The following TAPBP variants were observed in gnomAD, a reference collection of about 807,000 sequenced individuals.
TAPBP encodes the protein tapasin.
In TAPBP, 38 loss-of-function variants were observed where a neutral mutation model predicts 45.7. That is an observed-to-expected ratio of 0.83 (90% CI 0.64 to 1.09). The LOEUF is 1.09. TAPBP is among the 50% of genes least tolerant of loss of function. The pLI, the probability that TAPBP is intolerant of heterozygous loss-of-function variation, is 0.00. For missense variants in TAPBP, 513 were observed against 587.3 expected (o/e 0.87, Z 1.31); for synonymous variants, 226 against 254.8 (o/e 0.89, Z 1.08).
intron 7 of TAPBP, 123 bp downstream of exon 7, chr6:33,303,832 G>A: frequency 1.9e-6 from 3 of 1,598,696 alleles, no homozygotes; most frequent in Non-Finnish European, 2.6e-6. Context: ...TTTTAACCCA[G>A]ATCAGTGTGA....
intron 3 of TAPBP, among the ~76,000 whole-genome samples, chr6:33,306,978 CAAAAAA>C (rs553964427): frequency 2.8e-4 from 35 of 126,342 alleles, no homozygotes; most frequent in Admixed American, 2.3e-3. Context: ...AACCCCGTTT[CAAAAAA>C]AAAAAAAAAA....
Position 33,313,443 on chromosome 6 carries a change from C to A in TAPBP, c.243G>T (p.Arg81=). Residue 81 remains arginine (R), a synonymous_variant, in exon 3 of 8, where the codon CGG becomes CGT. Transcript: ENST00000434618. The surrounding 1 kb of genome is among the most constrained non-coding windows in gnomAD (Gnocchi z 7.2). ...GTGGTGCGGGGGCGCCCCGGGGATA[C>A]CGCCTGAAGGCAGCCTGGAGGGCGC... ...PAGALQAAFR[R]YPRGAPAPHC... 1 of 1,593,980 alleles carries A rather than the reference C, an allele frequency of 6.3e-7. No individual in the cohort carries two copies. The highest frequency in any genetic ancestry group is 8.6e-7 in the Non-Finnish European group (1 of 1,167,462).
chr6:33,303,983 TAGAC>T lies in TAPBP; in HGVS notation c.1303_1306del (p.Val435ThrfsTer38). ...CTTTGAATCCTTGCAGGTGGACAGG[TAGAC>T]AGCTGTGGGGAAAGATTGAGAAGGG... is the stretch of plus-strand genomic sequence containing the variant. On this transcript the variant is annotated frameshift_variant and splice_region_variant, in exon 7 of 8. Coordinates refer to ENST00000434618, the MANE Select transcript of TAPBP (RefSeq NM_003190.5). LOFTEE classifies it high-confidence loss of function. The T allele has an allele frequency of 6.2e-7, 1 of 1,613,564 alleles. No individual in the cohort carries two copies. Among genetic ancestry groups the T allele is most frequent in the South Asian group, 1.1e-5 (1 of 91,044 alleles).
intron 3 of TAPBP, among the ~76,000 whole-genome samples, chr6:33,308,677 G>A (rs536188804): frequency 6.6e-6 from 1 of 152,146 alleles, no homozygotes; most frequent in East Asian, 1.9e-4. Flanking sequence ...AGGACGGCTT[G>A]GAATACAGCC....
chr6:33,313,066 A>T lies in TAPBP; in HGVS notation c.469+151T>A. On this transcript the variant is annotated intron_variant, in intron 3 of 7. Transcript: ENST00000434618. This position sits in a 1 kb window ranked among gnomAD's most constrained non-coding sequence, Gnocchi z 7.2. The stretch of plus-strand genomic sequence containing the variant: ...GGGCTAGAAGGAGCGGTAGAGATTG[A>T]TTCATTCTAGCCAAACCACCTCTCT... 3 of 766,270 alleles carry T rather than the reference A, an allele frequency of 3.9e-6. No homozygotes were observed. Among genetic ancestry groups the T allele is most frequent in the Non-Finnish European group, 6.0e-6 (3 of 499,060 alleles). The allele number at this position is 766,270 out of a possible 1,614,324, so 47.5% of individuals were successfully genotyped here. A position where few individuals can be genotyped will look rare whatever the true frequency, so the allele number is the denominator to read the frequency against.
rs376347655 is a variant in TAPBP at position 33,305,383 on chromosome 6, T to C, written c.474A>G (p.Val158=). 11 of 1,515,528 alleles carry C rather than the reference T, an allele frequency of 7.3e-6. No individual in the cohort carries two copies. The highest frequency in any genetic ancestry group is 7.9e-6 in the Non-Finnish European group (9 of 1,133,842). The allele number at this position is 1,515,528 out of a possible 1,614,324, so 93.9% of individuals were successfully genotyped here. Residue 158 remains valine, a synonymous_variant, in exon 4 of 8, where the codon GTA becomes GTG. Transcript: ENST00000434618. This position sits in a 1 kb window ranked among gnomAD's most constrained non-coding sequence, Gnocchi z 4.4. ...EPVLITMATV[V]LTVLTHTPAP... ...CAGGGGTGTGGGTGAGGACAGTCAG[T>C]ACCACTGAGGAAGACAGGGAGATGA...
In TAPBP at chr6:33,303,889, G is replaced by C. The variant is rs1387021620; in HGVS notation, c.1335+66C>G. The C allele has an allele frequency of 1.9e-6, 3 of 1,613,832 alleles. No homozygotes were observed. The African/African-American group carries it at 4.0e-5, about 22-fold the overall frequency. ...TACCACACCAGCAGCCTCCCTCCAT[G>C]GGTTTTGAGATAGGATGAGGAGATA... On this transcript the variant is annotated intron_variant, in intron 7 of 7. Coordinates refer to ENST00000434618, the MANE Select transcript of TAPBP (RefSeq NM_003190.5).
At chr6:33,309,758 C>A (rs553002166) in intron 3 of TAPBP, among the ~76,000 whole-genome samples, 1 of 120,656 alleles carries the variant, frequency 8.3e-6, no homozygotes, top group East Asian at 2.5e-4. Flanking sequence ...CAGTTTCACG[C>A]TTGTTGCCCA....
chr6:33,309,815 C>T (rs1479272094), intron 3 of TAPBP, among the ~76,000 whole-genome samples: 4 of 150,038 alleles, frequency 2.7e-5, no homozygotes, highest in Non-Finnish European at 5.9e-5. Flanking sequence ...ACCTCCGCCT[C>T]CCAGGTTCAA....
intron 3 of TAPBP, among the ~76,000 whole-genome samples, chr6:33,306,191 G>C (rs929746947): frequency 2.6e-5 from 4 of 152,144 alleles, no homozygotes; most frequent in Admixed American, 6.5e-5. Context: ...GTCTACACGT[G>C]TTTGCTATAG....
chr6:33,309,583 G>C (rs1350485480), intron 3 of TAPBP, among the ~76,000 whole-genome samples: 2 of 132,678 alleles, frequency 1.5e-5, no homozygotes, highest in Admixed American at 8.0e-5. Context: ...AGACCTAAAG[G>C]TTTTACAGTT....
intron 7 of TAPBP, among the ~76,000 whole-genome samples, chr6:33,302,569 C>T (rs774195346): frequency 6.6e-6 from 1 of 151,896 alleles, no homozygotes; most frequent in Non-Finnish European, 1.5e-5. Context: ...TCAGGTGATC[C>T]GCCCTCCTCA....
At chr6:33,310,204 A>G (rs1769252202) in intron 3 of TAPBP, among the ~76,000 whole-genome samples, 1 of 151,760 alleles carries the variant, frequency 6.6e-6, no homozygotes, top group Non-Finnish European at 1.5e-5. Flanking sequence ...TATACACACA[A>G]AGTATATTAA....
intron 3 of TAPBP, among the ~76,000 whole-genome samples, chr6:33,311,242 G>A (rs950015973): frequency 6.6e-6 from 1 of 152,164 alleles, no homozygotes; most frequent in Non-Finnish European, 1.5e-5. Flanking sequence ...CTTGAACATG[G>A]GAGACGGAGG....
At position 33,304,138 on chromosome 6, in the gene TAPBP, C is replaced by T. The variant is rs1367507591; in HGVS notation, c.1290G>A (p.Leu430=). 4 of 1,613,250 alleles carry T rather than the reference C, an allele frequency of 2.5e-6. No homozygotes were observed. In the Admixed American group the frequency reaches 6.7e-5, roughly 27 times the overall value. ...AFLLLGLFKA[L]GWAAVYLSTC... ...AGGGCTGACACTTACCAGCCCAGCCCAGTGCCTTGAAGAGCCCAAGCAGAA... is the reference window on the plus strand; with the variant it reads ...AGGGCTGACACTTACCAGCCCAGCCTAGTGCCTTGAAGAGCCCAAGCAGAA... The change falls in exon 6 of 8, where the codon CTG becomes CTA. Residue 430 remains leucine, a synonymous_variant. Transcript: ENST00000434618.
Position 33,313,090 on chromosome 6 carries a change from C to T in TAPBP, c.469+127G>A. 1 of 1,149,254 alleles carries T rather than the reference C, an allele frequency of 8.7e-7. No homozygotes were observed. 71.2% of individuals were successfully genotyped at this position (1,149,254 alleles called of 1,614,324 possible). A position where few individuals can be genotyped will look rare whatever the true frequency, so the allele number is the denominator to read the frequency against. On this transcript the variant is annotated intron_variant, in intron 3 of 7. Coordinates refer to ENST00000434618, the MANE Select transcript of TAPBP (RefSeq NM_003190.5). This position sits in a 1 kb window ranked among gnomAD's most constrained non-coding sequence, Gnocchi z 7.2. ...GATTCATTCTAGCCAAACCACCTCTCTTAACAAAAAAAGGAAACTGAACCC... is the reference window on the plus strand; with the variant it reads ...GATTCATTCTAGCCAAACCACCTCTTTTAACAAAAAAAGGAAACTGAACCC...
rs1658183109 is a variant in TAPBP at position 33,305,523 on chromosome 6, C to T, written c.470-136G>A. The T allele has an allele frequency of 3.0e-6, 3 of 984,806 alleles. No homozygotes were observed. The highest frequency in any genetic ancestry group is 5.7e-5 in the East Asian group (2 of 34,786). The allele number at this position is 984,806 out of a possible 1,614,324, so 61.0% of individuals were successfully genotyped here. A position where few individuals can be genotyped will look rare whatever the true frequency, so the allele number is the denominator to read the frequency against. ...CCCTCAGAGGACACCTTTTCTGATA[C>T]TCACCATTTCCTAGCCCTCCCTGCA... On this transcript the variant is annotated intron_variant, in intron 3 of 7. Coordinates refer to ENST00000434618, the MANE Select transcript of TAPBP (RefSeq NM_003190.5). This position sits in a 1 kb window ranked among gnomAD's most constrained non-coding sequence, Gnocchi z 4.4.
Position 33,313,397 on chromosome 6 carries a change from C to A in TAPBP, c.289G>T (p.Val97Leu). 6.8e-6 allele frequency: 11 copies of A among 1,610,784 alleles called. No homozygotes were observed. Among genetic ancestry groups the A allele is most frequent in the Non-Finnish European group, 9.3e-6 (11 of 1,178,488 alleles). ...PAPHCEMSRF[V>L]PLPASAKWAS... ...CATTTCGCAGAGGCGGGGAGAGGCA[C>A]GAAGCGGCTCATCTCGCAGTGTGGT... Residue 97 changes from valine (V) to leucine (L), a missense_variant, in exon 3 of 8, where the codon GTG becomes TTG. Val to Leu is a conservative substitution (Grantham distance 32). Coordinates refer to ENST00000434618, the MANE Select transcript of TAPBP (RefSeq NM_003190.5). The surrounding 1 kb of genome is among the most constrained non-coding windows in gnomAD (Gnocchi z 7.2).
At position 33,313,798 on chromosome 6, in the gene TAPBP, C is replaced by A. The variant is rs1769572800; in HGVS notation, c.104G>T (p.Gly35Val). 1 of 1,613,862 alleles carries A rather than the reference C, an allele frequency of 6.2e-7. No individual in the cohort carries two copies. Among genetic ancestry groups the A allele is most frequent in the African/African-American group, 1.3e-5 (1 of 75,052 alleles). ...ACCGGGTCTCTTGGCCAGGCCCTTT[C>A]CGCTCGCATCCTCCACGAACCAACA... is the stretch of plus-strand genomic sequence containing the variant. Reference protein sequence around the residue: ...IECWFVEDASGKGLAKRPGAL... With the variant: ...IECWFVEDASVKGLAKRPGAL... The change falls in exon 2 of 8, where the codon GGA becomes GTA. Residue 35 changes from glycine to valine, a missense_variant. Coordinates refer to ENST00000434618, the MANE Select transcript of TAPBP (RefSeq NM_003190.5). The surrounding 1 kb of genome is among the most constrained non-coding windows in gnomAD (Gnocchi z 7.2).
Sources: gnomAD v4.1 joint callset for allele counts (sites outside exome capture counted in the v4.1 genomes callset) on GRCh38, gnomAD v4.1.1 for gene constraint, Gnocchi (gnomAD v3.1) non-coding constraint, MANE v1.5 for transcripts, NCBI Gene and HGNC (gene_info 2026-07-23, HGNC 2026-07-21) for gene names.